VARS2: variants seen among roughly 807,000 people sequenced by gnomAD.
VARS2 encodes the protein valine--tRNA ligase, mitochondrial.
Under a neutral mutation model 154.1 loss-of-function variants are expected in VARS2, and 105 were observed. The observed-to-expected ratio is 0.68, with a 90% CI of 0.58 to 0.80. VARS2 has a LOEUF of 0.80. Among genes scored for constraint, VARS2 ranks in the 30% least tolerant of loss-of-function variants. VARS2 has a pLI of 0.00. For synonymous variants in VARS2, 483 were observed against 539.5 expected (o/e 0.90, Z 1.45); for missense variants, 1,157 against 1,361.4 (o/e 0.85, Z 2.36).
Position 30,916,554 on chromosome 6 carries a change from CG to C in VARS2, c.671+306del, listed in dbSNP as rs9278800. ...TGTCTAAATCTCACCTTCTTCCACT[CG>C]CCCATTCCCACCTTTCAATTCCCAT... On this transcript the variant is annotated intron_variant, in intron 7 of 29. Coordinates refer to ENST00000676266, the MANE Select transcript of VARS2 (RefSeq NM_020442.6). The surrounding 1 kb of genome is among the most constrained non-coding windows in gnomAD (Gnocchi z 4.0). The C allele has an allele frequency of 0.3, 118,744 of 392,784 alleles. 20,377 individuals are homozygous for C. The highest frequency in any genetic ancestry group is 0.35 in the Non-Finnish European group (78,508 of 224,866). 24.3% of individuals were successfully genotyped at this position (392,784 alleles called of 1,614,324 possible). A position where few individuals can be genotyped will look rare whatever the true frequency, so the allele number is the denominator to read the frequency against.
rs551232750 is a variant in VARS2, at chr6:30,915,373, C to T, written c.302C>T (p.Pro101Leu). The T allele has an allele frequency of 5.2e-5, 84 of 1,614,232 alleles. No individual in the cohort carries two copies. In the South Asian group the frequency reaches 9.1e-4, roughly 18 times the overall value. The change falls in exon 4 of 30, where the codon CCT becomes CTT. Residue 101 changes from proline to leucine, a missense_variant. Physicochemically the swap from Pro to Leu is moderately conservative, Grantham distance 98. Coordinates refer to ENST00000676266, the MANE Select transcript of VARS2 (RefSeq NM_020442.6). ...TTCACAGATGTCTCTGGGCCCCTGCCTCCTGCATACAGCCCCCGATATGTT... is the reference window on the plus strand; with the variant it reads ...TTCACAGATGTCTCTGGGCCCCTGCTTCCTGCATACAGCCCCCGATATGTT... ...GEKKDVSGPL[P>L]PAYSPRYVEA... is the part of the protein sequence containing the mutation.
Position 30,921,139 on chromosome 6 carries a change from T to C in VARS2, c.1554T>C (p.Ile518=), listed in dbSNP as rs1208504425. ...ACTGGCAGCACTGGTTTTCCCATAT[T>C]GGGTAAGGGTAGGGTAAGGGGAGCT... ...QKNWQHWFSH[I]GDWCVSRQLW... The change falls in exon 16 of 30, where the codon ATT becomes ATC. Residue 518 remains isoleucine (I), a splice_region_variant and synonymous_variant. Coordinates refer to ENST00000676266, the MANE Select transcript of VARS2 (RefSeq NM_020442.6). This position sits in a 1 kb window ranked among gnomAD's most constrained non-coding sequence, Gnocchi z 4.6. 4 of 1,613,700 alleles carry C rather than the reference T, an allele frequency of 2.5e-6. No individual in the cohort carries two copies. In the African/African-American group the frequency reaches 5.3e-5, roughly 22 times the overall value.
Position 30,914,322 on chromosome 6 carries a change from TG to T in VARS2, c.-47del. The T allele has an allele frequency of 8.4e-7, 1 of 1,184,754 alleles. No homozygotes were observed. Among genetic ancestry groups the T allele is most frequent in the Non-Finnish European group, 1.1e-6 (1 of 941,062 alleles). 73.4% of individuals were successfully genotyped at this position (1,184,754 alleles called of 1,614,324 possible). ...CAGTCCCTGCCGCCGCGGGGCGCCC[TG>T]GGATAGCGGCGGGGCCTCCTGGTGA... On this transcript the variant is annotated 5_prime_UTR_variant, in exon 1 of 30. It removes the in-frame stop codon of an upstream open reading frame in the 5' UTR. Transcript: ENST00000676266.
Position 30,915,843 on chromosome 6 carries a change from C to G in VARS2, c.482C>G (p.Ala161Gly), listed in dbSNP as rs369976906. 24 of 1,614,014 alleles carry G rather than the reference C, an allele frequency of 1.5e-5. No individual in the cohort carries two copies. The highest frequency in any genetic ancestry group is 1.9e-5 in the Non-Finnish European group (23 of 1,180,044). ...SLHIGHALTVAIQDALVRWHR... is the reference protein window; with the variant it reads ...SLHIGHALTVGIQDALVRWHR... ...CACATTGGCCACGCACTCACGGTGGCCATACAGGATGCCCTCGTGCGCTGG... is the reference window on the plus strand; with the variant it reads ...CACATTGGCCACGCACTCACGGTGGGCATACAGGATGCCCTCGTGCGCTGG... Residue 161 changes from alanine (A) to glycine (G), a missense_variant, in exon 5 of 30, where the codon GCC becomes GGC. By Grantham distance (60) the Ala-to-Gly change is moderately conservative. Coordinates refer to ENST00000676266, the MANE Select transcript of VARS2 (RefSeq NM_020442.6).
Position 30,926,434 on chromosome 6 carries a change from T to C in VARS2, c.*224T>C, listed in dbSNP as rs1794842170. 1 of 591,992 alleles carries C rather than the reference T, an allele frequency of 1.7e-6. No homozygotes were observed. The highest frequency in any genetic ancestry group is 3.0e-6 in the Non-Finnish European group (1 of 333,452). 36.7% of individuals were successfully genotyped at this position (591,992 alleles called of 1,614,324 possible). On this transcript the variant is annotated 3_prime_UTR_variant, in exon 30 of 30. Coordinates refer to ENST00000676266, the MANE Select transcript of VARS2 (RefSeq NM_020442.6). ...ACCTGGAAGTCTGGGAATGAGGAGA[T>C]TGAGATAAACTTTTGAAATCCCAAA...
At chr6:30,926,043 C>T (rs748297435) in intron 29 of VARS2, 35 bp downstream of exon 29, 2 of 1,613,018 alleles carry the variant, frequency 1.2e-6, no homozygotes, top group Non-Finnish European at 1.7e-6. Flanking sequence ...AGGCTCCACC[C>T]CTGAGGGAAT....
chr6:30,918,094 A>C (rs1300509878), intron 10 of VARS2, among the ~76,000 whole-genome samples: 1 of 152,076 alleles, frequency 6.6e-6, no homozygotes, highest in Non-Finnish European at 1.5e-5. Context: ...TTTGAGACAG[A>C]GTCTCACTCT....
At chr6:30,922,269 T>C in intron 20 of VARS2, 28 bp downstream of exon 20, 3 of 1,603,488 alleles carry the variant, frequency 1.9e-6, no homozygotes, top group Non-Finnish European at 1.7e-6. Flanking sequence ...CCCTGCCGCT[T>C]TCTGTGACTC....
In VARS2 at chr6:30,919,341, A is replaced by C. The variant is rs998271131; in HGVS notation, c.1075-417A>C. Reference sequence around the variant, plus strand: ...AATTAGTAATTAATTTTTTTTAAGTAATGTAATTTTTAAGTAATGTTATTT... The same window carrying C: ...AATTAGTAATTAATTTTTTTTAAGTCATGTAATTTTTAAGTAATGTTATTT... On this transcript the variant is annotated intron_variant, in intron 11 of 29. Coordinates refer to ENST00000676266, the MANE Select transcript of VARS2 (RefSeq NM_020442.6). The surrounding 1 kb of genome is among the most constrained non-coding windows in gnomAD (Gnocchi z 4.5). 1 of 170,390 alleles carries C rather than the reference A, an allele frequency of 5.9e-6. No homozygotes were observed. The highest frequency in any genetic ancestry group is 6.1e-5 in the Admixed American group (1 of 16,326). 10.6% of individuals were successfully genotyped at this position (170,390 alleles called of 1,614,324 possible).
At position 30,924,495 on chromosome 6, in the gene VARS2, C is replaced by G. The variant is rs1356501558; in HGVS notation, c.2608C>G (p.Pro870Ala). 6.2e-7 allele frequency: 1 copy of G among 1,605,798 alleles called. No homozygotes were observed. Among genetic ancestry groups the G allele is most frequent in the African/African-American group, 1.3e-5 (1 of 74,946 alleles). Residue 870 changes from proline (P) to alanine (A), a missense_variant, in exon 26 of 30, where the codon CCC (proline) becomes GCC (alanine). Coordinates refer to ENST00000676266, the MANE Select transcript of VARS2 (RefSeq NM_020442.6). Reference protein sequence around the residue: ...LAEELWQRLPPRPGCPPAPSI... With the variant: ...LAEELWQRLPARPGCPPAPSI... The stretch of plus-strand genomic sequence containing the variant: ...TGAAGAGCTCTGGCAGAGGCTGCCC[C>G]CCAGGCCTGGTTGCCCCCCTGCCCC...
chr6:30,921,607 G>C lies in VARS2; in HGVS notation c.1651G>C (p.Val551Leu), dbSNP rs772808993. 6.2e-7 allele frequency: 1 copy of C among 1,607,606 alleles called. No individual in the cohort carries two copies. Among genetic ancestry groups the C allele is most frequent in the Non-Finnish European group, 8.5e-7 (1 of 1,178,528 alleles). Residue 551 changes from valine (V) to leucine (L), a missense_variant, in exon 18 of 30, where the codon GTG becomes CTG. Val to Leu is a conservative substitution (Grantham distance 32, BLOSUM62 1). Coordinates refer to ENST00000676266, the MANE Select transcript of VARS2 (RefSeq NM_020442.6). This position sits in a 1 kb window ranked among gnomAD's most constrained non-coding sequence, Gnocchi z 4.6. ...DHAQGEEDCWVVGRSEAEARE... is the reference protein window; with the variant it reads ...DHAQGEEDCWLVGRSEAEARE... ...TTTGCAGGGAGAAGAGGACTGTTGG[G>C]TGGTTGGGCGGTCAGAGGCTGAGGC...
At position 30,926,305 on chromosome 6, in the gene VARS2, A is replaced by C; in HGVS notation, c.*95A>C. The C allele has an allele frequency of 8.0e-7, 1 of 1,247,680 alleles. No individual in the cohort carries two copies. Among genetic ancestry groups the C allele is most frequent in the Non-Finnish European group, 1.1e-6 (1 of 871,460 alleles). 77.3% of individuals were successfully genotyped at this position (1,247,680 alleles called of 1,614,324 possible). A position where few individuals can be genotyped will look rare whatever the true frequency, so the allele number is the denominator to read the frequency against. Reference sequence around the variant, plus strand: ...AGGGTGCAGTGGGACGTCAGAGACTATGTGGTCCATCGCCTTCATTGTGTA... The same window carrying C: ...AGGGTGCAGTGGGACGTCAGAGACTCTGTGGTCCATCGCCTTCATTGTGTA... On this transcript the variant is annotated 3_prime_UTR_variant, in exon 30 of 30. Coordinates refer to ENST00000676266, the MANE Select transcript of VARS2 (RefSeq NM_020442.6).
chr6:30,919,070 T>C lies in VARS2; in HGVS notation c.1074+155T>C, dbSNP rs1417089628. On this transcript the variant is annotated intron_variant, in intron 11 of 29. Transcript: ENST00000676266. This position sits in a 1 kb window ranked among gnomAD's most constrained non-coding sequence, Gnocchi z 4.5. ...ATTGGACTCCCTCCTCCTCTTATAG[T>C]TTTTCTGTAGCTCAGGGGTTGACAA... 1 of 673,302 alleles carries C rather than the reference T, an allele frequency of 1.5e-6. No individual in the cohort carries two copies. Among genetic ancestry groups the C allele is most frequent in the Admixed American group, 2.8e-5 (1 of 36,306 alleles). 41.7% of individuals were successfully genotyped at this position (673,302 alleles called of 1,614,324 possible).
At chr6:30,922,828 C>T in intron 22 of VARS2, 54 bp downstream of exon 22, 1 of 1,583,116 alleles carries the variant, frequency 6.3e-7, no homozygotes, top group Non-Finnish European at 8.6e-7. Flanking sequence ...CTCTGGCTTC[C>T]TCTGCAACCC....
Position 30,925,674 on chromosome 6 carries a change from C to A in VARS2, c.2916C>A (p.Ala972=). 1 of 1,610,914 alleles carries A rather than the reference C, an allele frequency of 6.2e-7. No individual in the cohort carries two copies. The highest frequency in any genetic ancestry group is 2.2e-5 in the East Asian group (1 of 44,850). The change falls in exon 28 of 30, where the codon GCC becomes GCA. Residue 972 remains alanine (A), a synonymous_variant. Transcript: ENST00000676266. ...PPGAAAPSGW[A]QAPLSDTAQV... is the part of the protein sequence containing the mutation. The stretch of plus-strand genomic sequence containing the variant: ...GCGCAGCAGCTCCCTCCGGCTGGGC[C>A]CAGGCTCCACTCAGTGACACGGCTC...
At chr6:30,915,321 C>T (rs370531184) in intron 3 of VARS2, 34 bp from the exon 4 acceptor site, 4 of 1,613,076 alleles carry the variant, frequency 2.5e-6, no homozygotes, top group Non-Finnish European at 3.4e-6. Flanking sequence ...GGAACAAGTT[C>T]AGTGGTTAGT....
At position 30,914,301 on chromosome 6, in the gene VARS2, C is replaced by T. The variant is rs1204687781; in HGVS notation, c.-71C>T. ...GGTCGGGTTTGGTGGATTCCTCAGT[C>T]CCTGCCGCCGCGGGGCGCCCTGGGA... On this transcript the variant is annotated 5_prime_UTR_variant, in exon 1 of 30. Coordinates refer to ENST00000676266, the MANE Select transcript of VARS2 (RefSeq NM_020442.6). 1.8e-6 allele frequency: 2 copies of T among 1,098,052 alleles called. No homozygotes were observed. The highest frequency in any genetic ancestry group is 3.2e-5 in the African/African-American group (2 of 61,930). The allele number at this position is 1,098,052 out of a possible 1,614,324, so 68.0% of individuals were successfully genotyped here.
In VARS2 at chr6:30,920,724, A is replaced by G. The variant is rs1437807552; in HGVS notation, c.1454A>G (p.Gln485Arg). Residue 485 changes from glutamine to arginine, a missense_variant, in exon 15 of 30, where the codon CAG becomes CGG. Physicochemically the swap from Gln to Arg is conservative, Grantham distance 43. Coordinates refer to ENST00000676266, the MANE Select transcript of VARS2 (RefSeq NM_020442.6). The surrounding 1 kb of genome is among the most constrained non-coding windows in gnomAD (Gnocchi z 4.6). ...LLKNQWFVRCQEMGARAAKAV... is the reference protein window; with the variant it reads ...LLKNQWFVRCREMGARAAKAV... The stretch of plus-strand genomic sequence containing the variant: ...AAGAACCAGTGGTTTGTCCGCTGCC[A>G]GGAAATGGGGGCCCGAGCTGCCAAG... 1 of 1,600,572 alleles carries G rather than the reference A, an allele frequency of 6.2e-7. No homozygotes were observed.
chr6:30,919,093 C>A lies in VARS2; in HGVS notation c.1074+178C>A. On this transcript the variant is annotated intron_variant, in intron 11 of 29. Coordinates refer to ENST00000676266, the MANE Select transcript of VARS2 (RefSeq NM_020442.6). This position sits in a 1 kb window ranked among gnomAD's most constrained non-coding sequence, Gnocchi z 4.5. ...AGTTTTTCTGTAGCTCAGGGGTTGA[C>A]AAACTGGCCCATGGTCCTAATCCAG... The A allele has an allele frequency of 1.7e-6, 1 of 603,104 alleles. No homozygotes were observed. Among genetic ancestry groups the A allele is most frequent in the Non-Finnish European group, 2.9e-6 (1 of 343,996 alleles). 37.4% of individuals were successfully genotyped at this position (603,104 alleles called of 1,614,324 possible).
Sources: allele counts gnomAD v4.1 joint callset (sites outside exome capture counted in the v4.1 genomes callset), GRCh38; gene constraint gnomAD v4.1.1; non-coding constraint Gnocchi (gnomAD v3.1); transcripts MANE v1.5; gene names NCBI Gene and HGNC (gene_info 2026-07-23, HGNC 2026-07-21).